The following LYPD6B variants were observed in gnomAD, a reference collection of about 807,000 sequenced individuals.
LYPD6B encodes the protein ly6/PLAUR domain-containing protein 6B.
In LYPD6B, 17 loss-of-function variants were observed where a neutral mutation model predicts 22.8. The ratio of observed to expected loss-of-function variants is 0.75; its 90% CI spans 0.51 to 1.12. The LOEUF (loss-of-function observed/expected upper bound fraction) is 1.12. Ranked by LOEUF, LYPD6B falls within the 50% of genes most tolerant of loss-of-function variation. The pLI is 0.00. For missense variants in LYPD6B, 221 were observed against 258.3 expected, an observed-to-expected ratio of 0.86 and a Z score of 0.99; for synonymous variants, 106 against 91.6, an observed-to-expected ratio of 1.16 and a Z score of -0.90.
At chr2:149,136,918 G>T (rs560835681) in intron 2 of LYPD6B, among the ~76,000 whole-genome samples, 3 of 152,296 alleles carry the variant, frequency 2.0e-5, no homozygotes, top group Admixed American at 2.0e-4. Context: ...CCAAGATAGA[G>T]AAAGAGGACA....
chr2:149,129,644 T>A (rs1235329498), intron 1 of LYPD6B, among the ~76,000 whole-genome samples: 1 of 152,142 alleles, frequency 6.6e-6, no homozygotes, highest in Non-Finnish European at 1.5e-5. Flanking sequence ...TGGTGAGGAG[T>A]TCTAAGTGCT....
intron 2 of LYPD6B, among the ~76,000 whole-genome samples, chr2:149,154,984 G>T (rs1453167368): frequency 6.6e-6 from 1 of 152,130 alleles, no homozygotes; most frequent in Non-Finnish European, 1.5e-5. Flanking sequence ...ACTGCATATG[G>T]AAGCTTTGTT....
chr2:149,128,509 A>G (rs116340396), intron 1 of LYPD6B, among the ~76,000 whole-genome samples: 6 of 152,334 alleles, frequency 3.9e-5, no homozygotes, highest in African/African-American at 1.4e-4. Flanking sequence ...GAGTCTCACA[A>G]GGATGGAAGT....
intron 1 of LYPD6B, among the ~76,000 whole-genome samples, chr2:149,061,276 A>G (rs73963314): frequency 6.6e-6 from 1 of 151,154 alleles, no homozygotes; most frequent in African/African-American, 2.4e-5. Context: ...AGCTCATTGC[A>G]GCCTTGACCT....
intron 1 of LYPD6B, among the ~76,000 whole-genome samples, chr2:149,056,751 A>G (rs1683815312): frequency 6.6e-6 from 1 of 152,082 alleles, no homozygotes; most frequent in Non-Finnish European, 1.5e-5. Flanking sequence ...TGGGTAATCT[A>G]ACACCAGCCA....
chr2:149,103,289 T>C (rs866293142), intron 1 of LYPD6B, among the ~76,000 whole-genome samples: 2 of 152,312 alleles, frequency 1.3e-5, no homozygotes, highest in South Asian at 4.1e-4. Context: ...TGTCCTCTGA[T>C]ATAATCTCAG....
intron 1 of LYPD6B, among the ~76,000 whole-genome samples, chr2:149,090,925 T>G (rs1236152129): frequency 2.0e-5 from 3 of 152,208 alleles, no homozygotes; most frequent in Non-Finnish European, 4.4e-5. Flanking sequence ...ATGCACACTT[T>G]TCCCATGAGT....
chr2:149,136,940 T>A (rs955077943), intron 2 of LYPD6B, among the ~76,000 whole-genome samples: 3 of 152,188 alleles, frequency 2.0e-5, no homozygotes, highest in African/African-American at 7.2e-5. Context: ...AGAGGAAAAT[T>A]AAAAATCCTT....
At chr2:149,167,798 G>T (rs55714304) in intron 3 of LYPD6B, among the ~76,000 whole-genome samples, 37,772 of 152,098 alleles carry the variant, frequency 0.25, 5,181 homozygotes, top group Non-Finnish European at 0.31. Flanking sequence ...TTGCAGGAAA[G>T]ACAATACTTG....
At chr2:149,126,010 A>C (rs1687676720) in intron 1 of LYPD6B, among the ~76,000 whole-genome samples, 1 of 152,224 alleles carries the variant, frequency 6.6e-6, no homozygotes, top group Admixed American at 6.5e-5. Context: ...AACTACTGTC[A>C]GTTTATAAGT....
intron 3 of LYPD6B, among the ~76,000 whole-genome samples, chr2:149,189,359 TATATATATAC>T (rs773923856): frequency 0.011 from 919 of 86,714 alleles, 40 homozygotes; most frequent in Non-Finnish European, 0.018. Context: ...TATATATATA[TATATATATAC>T]ACACACATAT....
intron 1 of LYPD6B, among the ~76,000 whole-genome samples, chr2:149,055,657 T>G (rs1396866089): frequency 6.6e-6 from 1 of 152,224 alleles, no homozygotes; most frequent in Non-Finnish European, 1.5e-5. Flanking sequence ...ACATTGTCAG[T>G]TTCATTTTGG....
At chr2:149,117,817 G>T (rs2105573085) in intron 1 of LYPD6B, among the ~76,000 whole-genome samples, 1 of 152,222 alleles carries the variant, frequency 6.6e-6, no homozygotes, top group East Asian at 1.9e-4. Context: ...GTGTTGTAAA[G>T]CACCAATAAT....
At chr2:149,088,051 C>T (rs566107929) in intron 1 of LYPD6B, among the ~76,000 whole-genome samples, 1 of 152,082 alleles carries the variant, frequency 6.6e-6, no homozygotes, top group African/African-American at 2.4e-5. Flanking sequence ...ACACAGGATT[C>T]GTATCTCCTT....
intron 1 of LYPD6B, among the ~76,000 whole-genome samples, chr2:149,067,762 A>G (rs937524730): frequency 2.0e-5 from 3 of 152,110 alleles, no homozygotes; most frequent in African/African-American, 7.2e-5. Flanking sequence ...AATGTCTCAA[A>G]TAGTTATTTT....
chr2:149,112,207 A>G (rs1219349405), intron 1 of LYPD6B, among the ~76,000 whole-genome samples: 2 of 152,198 alleles, frequency 1.3e-5, no homozygotes, highest in African/African-American at 4.8e-5. Context: ...GGTGTCTTAG[A>G]GGAGATATGA....
intron 1 of LYPD6B, among the ~76,000 whole-genome samples, chr2:149,055,579 T>G (rs1460272190): frequency 1.3e-5 from 2 of 152,240 alleles, no homozygotes; most frequent in Non-Finnish European, 2.9e-5. Flanking sequence ...TATAATTTTC[T>G]GCTTACAAGT....
chr2:149,214,118 A>G (rs181370851), intron 6 of LYPD6B, among the ~76,000 whole-genome samples: 38 of 152,360 alleles, frequency 2.5e-4, no homozygotes, highest in Non-Finnish European at 3.8e-4. Context: ...AGGTGTTAGC[A>G]TAGACAATAG....
chr2:149,102,514 A>C lies in LYPD6B; in HGVS notation c.-66-28369A>C, dbSNP rs1048622028. On this transcript the variant is annotated intron_variant, in intron 1 of 6. Transcript: ENST00000409642. Reference sequence around the variant, plus strand: ...TCCATAAGCAAAAGCTGAGGAATCAATTGGGGGATTTTGAATTCCTGAGGG... The same window carrying C: ...TCCATAAGCAAAAGCTGAGGAATCACTTGGGGGATTTTGAATTCCTGAGGG... Among the ~76,000 whole-genome samples the C allele has an allele frequency of 7.2e-5, 11 of 152,334 alleles. 1 individual carries two copies. The highest frequency in any genetic ancestry group is 2.4e-4 in the African/African-American group (10 of 41,574).
Sources: allele counts gnomAD v4.1 joint callset (sites outside exome capture counted in the v4.1 genomes callset), GRCh38; gene constraint gnomAD v4.1.1; transcripts MANE v1.5; gene names NCBI Gene and HGNC (gene_info 2026-07-23, HGNC 2026-07-21).